KLHL3: variants seen among roughly 807,000 people sequenced by gnomAD.
The protein encoded by KLHL3 is kelch-like protein 3.
A neutral mutation model predicts 70.5 loss-of-function variants in KLHL3; 19 were observed. The observed-to-expected ratio is 0.27, with a 90% CI of 0.19 to 0.40. The LOEUF (loss-of-function observed/expected upper bound fraction) is 0.40. Among genes scored for constraint, KLHL3 ranks in the 10% least tolerant of loss-of-function variants. KLHL3 has a pLI of 1.00. For synonymous variants in KLHL3, 258 were observed against 290.3 expected, an observed-to-expected ratio of 0.89 and a Z score of 1.13; for missense variants, 512 against 771.1, an observed-to-expected ratio of 0.66 and a Z score of 3.98.
intron 2 of KLHL3, among the ~76,000 whole-genome samples, chr5:137,712,914 A>G (rs998533916): frequency 1.3e-5 from 2 of 152,112 alleles, no homozygotes; most frequent in Admixed American, 1.3e-4. Flanking sequence ...TTAACTTTTC[A>G]TATTTTGAAA....
chr5:137,682,634 G>GC (rs753993922), intron 5 of KLHL3, among the ~76,000 whole-genome samples: 30 of 152,000 alleles, frequency 2.0e-4, no homozygotes, highest in Non-Finnish European at 3.8e-4. Context: ...GGTTCCCAAA[G>GC]CCCCCCAAAC....
At chr5:137,622,702 C>T (rs886208326) in intron 14 of KLHL3, among the ~76,000 whole-genome samples, 2 of 152,216 alleles carry the variant, frequency 1.3e-5, no homozygotes, top group Admixed American at 6.5e-5. Flanking sequence ...GTGACAATCT[C>T]GACTTTGATA....
At position 137,692,266 on chromosome 5, in the gene KLHL3, C is replaced by A. The variant is rs1207207775; in HGVS notation, c.526+19G>T. 1 of 1,603,910 alleles carries A rather than the reference C, an allele frequency of 6.2e-7. No individual in the cohort carries two copies. The highest frequency in any genetic ancestry group is 1.1e-5 in the South Asian group (1 of 89,742). ...ATCCACAAACTCGGAGGAGGTGCAG[C>A]AGTCCGGCTCCCCCTTACCTGCGTA... On this transcript the variant is annotated intron_variant, in intron 5 of 14. Coordinates refer to ENST00000309755, the MANE Select transcript of KLHL3 (RefSeq NM_017415.3).
At chr5:137,633,317 A>G (rs1417614652) in intron 12 of KLHL3, among the ~76,000 whole-genome samples, 1 of 151,466 alleles carries the variant, frequency 6.6e-6, no homozygotes, top group Non-Finnish European at 1.5e-5. Context: ...AAAAAAAAAA[A>G]GACTTTAGCA....
intron 5 of KLHL3, among the ~76,000 whole-genome samples, chr5:137,688,282 T>C (rs1416327993): frequency 6.6e-6 from 1 of 151,858 alleles, no homozygotes; most frequent in African/African-American, 2.4e-5. Context: ...ACAGAAGGCC[T>C]GCATAACAGG....
intron 3 of KLHL3, among the ~76,000 whole-genome samples, chr5:137,708,013 A>G (rs1260751016): frequency 6.6e-6 from 1 of 152,156 alleles, no homozygotes; most frequent in African/African-American, 2.4e-5. Context: ...ACTATTTTAA[A>G]ATAGAGATTG....
In KLHL3 at chr5:137,620,919, C is replaced by T. The variant is rs1750277677; in HGVS notation, c.*1179G>A. 1 of 152,270 alleles carries T rather than the reference C, an allele frequency of 6.6e-6. No homozygotes were observed. Among genetic ancestry groups the T allele is most frequent in the Non-Finnish European group, 1.5e-5 (1 of 68,068 alleles). 9.4% of individuals were successfully genotyped at this position (152,270 alleles called of 1,614,324 possible). ...CAAGGACATTAGACAGACTTGACCA[C>T]TGTCACAAAGTGCCAAGGGCCAGCT... On this transcript the variant is annotated 3_prime_UTR_variant, in exon 15 of 15. Transcript: ENST00000309755.
Position 137,735,621 on chromosome 5 carries a change from A to G in KLHL3, c.14+12T>C, listed in dbSNP as rs1753249139. ...TACACACACAACACAGCACACACTT[A>G]TACATACATACCTTTCACCCTCCAT... On this transcript the variant is annotated intron_variant, in intron 1 of 14. Transcript: ENST00000309755. 1.3e-6 allele frequency: 2 copies of G among 1,599,286 alleles called. No individual in the cohort carries two copies. The highest frequency in any genetic ancestry group is 1.3e-5 in the African/African-American group (1 of 74,724).
At chr5:137,660,863 T>C (rs537526998) in intron 7 of KLHL3, 1 of 152,376 alleles carries the variant, frequency 6.6e-6, no homozygotes, top group African/African-American at 2.4e-5. Flanking sequence ...GTAAGAAAAC[T>C]GAGGTTTAAA....
At chr5:137,679,367 C>T (rs1204809028) in intron 5 of KLHL3, among the ~76,000 whole-genome samples, 1 of 152,150 alleles carries the variant, frequency 6.6e-6, no homozygotes, top group African/African-American at 2.4e-5. Context: ...CAGCTGAGCT[C>T]AGCAGGACCA....
At chr5:137,724,263 G>GT (rs1225153255) in intron 1 of KLHL3, among the ~76,000 whole-genome samples, 1 of 152,206 alleles carries the variant, frequency 6.6e-6, no homozygotes, top group African/African-American at 2.4e-5. Context: ...CAGGGAACTA[G>GT]TAAGATTAAA....
At chr5:137,661,092 A>G (rs979857232) in intron 7 of KLHL3, 1 of 152,224 alleles carries the variant, frequency 6.6e-6, no homozygotes. Flanking sequence ...GTCTAATGCC[A>G]TTTACTGTAT....
intron 4 of KLHL3, among the ~76,000 whole-genome samples, chr5:137,693,402 G>A (rs752840942): frequency 6.6e-6 from 1 of 152,124 alleles, no homozygotes; most frequent in Non-Finnish European, 1.5e-5. Context: ...TTTTTCCTAA[G>A]GGTCAGGGAA....
At chr5:137,655,441 A>G (rs1450254558) in intron 8 of KLHL3, among the ~76,000 whole-genome samples, 1 of 152,252 alleles carries the variant, frequency 6.6e-6, no homozygotes, top group East Asian at 1.9e-4. Context: ...AACAAAAATT[A>G]TAAAGGTACT....
At chr5:137,662,076 G>T (rs766077264) in intron 6 of KLHL3, 45 bp from the exon 7 acceptor site, 43 of 738,344 alleles carry the variant, frequency 5.8e-5, no homozygotes, top group Non-Finnish European at 8.3e-5. Context: ...AGAGACAAAA[G>T]CTTTCAAACA....
intron 6 of KLHL3, among the ~76,000 whole-genome samples, chr5:137,664,796 C>A (rs1751572964): frequency 6.6e-6 from 1 of 151,740 alleles, no homozygotes; most frequent in South Asian, 2.1e-4. Flanking sequence ...CCAGCCCGGG[C>A]AACACAGCAA....
At chr5:137,695,351 C>G (rs996137513) in intron 4 of KLHL3, among the ~76,000 whole-genome samples, 1 of 152,070 alleles carries the variant, frequency 6.6e-6, no homozygotes, top group Non-Finnish European at 1.5e-5. Context: ...CTTCCCAAAC[C>G]GACTTCCTAA....
chr5:137,731,186 C>G (rs879697475), intron 1 of KLHL3, among the ~76,000 whole-genome samples: 2 of 152,184 alleles, frequency 1.3e-5, no homozygotes, highest in African/African-American at 2.4e-5. Flanking sequence ...GCAGGGATAT[C>G]AAGAGGTTTC....
At chr5:137,710,969 T>C (rs1430002445) in intron 2 of KLHL3, among the ~76,000 whole-genome samples, 1 of 152,160 alleles carries the variant, frequency 6.6e-6, no homozygotes, top group Non-Finnish European at 1.5e-5. Context: ...TTCATTGGTA[T>C]CCTGATCACC....
Sources: allele counts gnomAD v4.1 joint callset (sites outside exome capture counted in the v4.1 genomes callset), GRCh38; gene constraint gnomAD v4.1.1; transcripts MANE v1.5; gene names NCBI Gene and HGNC (gene_info 2026-07-23, HGNC 2026-07-21).